DUS3L: variants seen among roughly 807,000 people sequenced by gnomAD.
DUS3L encodes dihydrouridine synthase 3 like.
DUS3L carries 62 observed loss-of-function variants against 74.6 expected under a neutral mutation model. The ratio of observed to expected loss-of-function variants is 0.83; its 90% CI spans 0.68 to 1.03. The LOEUF is 1.03. DUS3L is among the 50% of genes least tolerant of loss of function. DUS3L has a pLI of 0.00. For missense variants in DUS3L, 884 were observed against 924.4 expected, an observed-to-expected ratio of 0.96 and a Z score of 0.57; for synonymous variants, 433 against 395.7, an observed-to-expected ratio of 1.09 and a Z score of -1.12.
At chr19:5,787,744 G>C in intron 5 of DUS3L, 39 bp from the exon 6 acceptor site, 1 of 1,595,762 alleles carries the variant, frequency 6.3e-7, no homozygotes, top group South Asian at 1.1e-5. Context: ...GGTGAGGGGA[G>C]AGTCCGAACT....
Position 5,786,474 on chromosome 19 carries a change from T to C in DUS3L, c.1555A>G (p.Ile519Val). The C allele has an allele frequency of 5.0e-6, 8 of 1,612,780 alleles. No individual in the cohort carries two copies. The highest frequency in any genetic ancestry group is 6.8e-6 in the Non-Finnish European group (8 of 1,179,842). Residue 519 changes from isoleucine (I) to valine (V), a missense_variant, in exon 10 of 13, where the codon ATT (isoleucine) becomes GTT (valine). Transcript: ENST00000309061. ...AMQTGVTGIM[I>V]ARGALLKPWL... is the part of the protein sequence containing the mutation. ...ACATCCCTGGGCACTTACCGGGCAATCATGATCCCGGTGACACCAGTCTGC... is the reference window on the plus strand; with the variant it reads ...ACATCCCTGGGCACTTACCGGGCAACCATGATCCCGGTGACACCAGTCTGC...
chr19:5,788,200 C>A (rs1423696938), intron 4 of DUS3L, 24 bp from the exon 5 acceptor site: 1 of 1,612,904 alleles, frequency 6.2e-7, no homozygotes, highest in South Asian at 1.1e-5. Flanking sequence ...AGGACAGACA[C>A]ACATGCTCTT....
Position 5,787,650 on chromosome 19 carries a change from G to A in DUS3L, c.1151C>T (p.Thr384Ile). ...MTKCAELLSR[T>I]VEVDFVDINV... ...GATGTCCACAAAGTCCACCTCCACG[G>A]TGCGGCTCAGCAGCTCGGCACACTT... Residue 384 changes from threonine (T) to isoleucine (I), a missense_variant, in exon 6 of 13, where the codon ACC (threonine) becomes ATC (isoleucine). By Grantham distance (89) the Thr-to-Ile change is moderately conservative. Coordinates refer to ENST00000309061, the MANE Select transcript of DUS3L (RefSeq NM_020175.3). 2 of 1,613,858 alleles carry A rather than the reference G, an allele frequency of 1.2e-6. No homozygotes were observed. Among genetic ancestry groups the A allele is most frequent in the South Asian group, 1.1e-5 (1 of 91,086 alleles).
In DUS3L at chr19:5,786,421, TGCTGCTGTGCATGAA is replaced by T. The variant is rs779203923; in HGVS notation, c.1562+31_1562+45del. On this transcript the variant is annotated intron_variant, in intron 10 of 12. Transcript: ENST00000309061. ...TGACGGCGTGTTGGGTTCAGGGCAC[TGCTGCTGTGCATGAA>T]GCTGGATCTCTAACATCCCTGGGCA... 2.5e-6 allele frequency: 4 copies of T among 1,593,502 alleles called. No individual in the cohort carries two copies. In the African/African-American group the frequency reaches 5.4e-5, roughly 21 times the overall value.
chr19:5,788,234 C>G, intron 4 of DUS3L, 58 bp from the exon 5 acceptor site: 1 of 1,562,880 alleles, frequency 6.4e-7, no homozygotes, highest in Non-Finnish European at 8.8e-7. Flanking sequence ...CACACACACA[C>G]AGCAGAACCC....
At position 5,789,599 on chromosome 19, in the gene DUS3L, G is replaced by A. The variant is rs550931130; in HGVS notation, c.508C>T (p.Arg170Trp). The A allele has an allele frequency of 4.4e-6, 7 of 1,588,588 alleles. No individual in the cohort carries two copies. The South Asian group carries it at 4.6e-5, about 10-fold the overall frequency. The change falls in exon 3 of 13, where the codon CGG becomes TGG. Residue 170 changes from arginine to tryptophan, a missense_variant. Transcript: ENST00000309061. Reference protein sequence around the residue: ...PRCVLFETFGRCPYGVTCRFA... With the variant: ...PRCVLFETFGWCPYGVTCRFA... The stretch of plus-strand genomic sequence containing the variant: ...CGGCAGGTCACGCCGTAGGGGCACC[G>A]GCCGAAGGTCTCGAAGAGCACGCAG...
At chr19:5,786,224 C>T (rs1392005676) in intron 10 of DUS3L, among the ~76,000 whole-genome samples, 1 of 152,214 alleles carries the variant, frequency 6.6e-6, no homozygotes, top group Non-Finnish European at 1.5e-5. Flanking sequence ...GCTGGGATTA[C>T]AGGCGTGAGC....
At position 5,790,182 on chromosome 19, in the gene DUS3L, G is replaced by T. The variant is rs753783217; in HGVS notation, c.252C>A (p.Asp84Glu). The T allele has an allele frequency of 1.2e-6, 2 of 1,614,118 alleles. No homozygotes were observed. Among genetic ancestry groups the T allele is most frequent in the Non-Finnish European group, 1.7e-6 (2 of 1,180,030 alleles). The change falls in exon 2 of 13, where the codon GAC becomes GAA. Residue 84 changes from aspartate to glutamate, a missense_variant. Asp to Glu is a conservative substitution (Grantham distance 45, BLOSUM62 2). Coordinates refer to ENST00000309061, the MANE Select transcript of DUS3L (RefSeq NM_020175.3). ...GCTCTGCTGCCTCCTCCGTCTGCCC[G>T]TCCGCCGTCTGTCCATCCTCCAGTC... ...RIRLEDGQTA[D>E]GQTEEAAEPG... is the part of the protein sequence containing the mutation.
Position 5,785,378 on chromosome 19 carries a change from G to A in DUS3L, c.1880+5C>T. ...CAGCTCCCCAACTCCAGCCCACCCAGGCACCTGATGCGGATCCAGTCGGCT... is the reference window on the plus strand; with the variant it reads ...CAGCTCCCCAACTCCAGCCCACCCAAGCACCTGATGCGGATCCAGTCGGCT... On this transcript the variant is annotated splice_donor_5th_base_variant and intron_variant, in intron 12 of 12. Coordinates refer to ENST00000309061, the MANE Select transcript of DUS3L (RefSeq NM_020175.3). The A allele has an allele frequency of 6.2e-7, 1 of 1,600,618 alleles. No individual in the cohort carries two copies. Among genetic ancestry groups the A allele is most frequent in the South Asian group, 1.1e-5 (1 of 89,618 alleles).
rs1599623951 is a variant in DUS3L, at chr19:5,790,350, G to A, written c.99-15C>T. ...TGGTGAGGTATCTGCCGACAGAAAG[G>A]GAAAGGAAAACCCTCCGAACATAGT... is the stretch of plus-strand genomic sequence containing the variant. On this transcript the variant is annotated splice_polypyrimidine_tract_variant and intron_variant, in intron 1 of 12. Coordinates refer to ENST00000309061, the MANE Select transcript of DUS3L (RefSeq NM_020175.3). 2.5e-6 allele frequency: 4 copies of A among 1,613,636 alleles called. No homozygotes were observed. Among genetic ancestry groups the A allele is most frequent in the East Asian group, 4.5e-5 (2 of 44,878 alleles).
intron 4 of DUS3L, 52 bp from the exon 5 acceptor site, chr19:5,788,228 C>T (rs760089163): frequency 5.6e-5 from 91 of 1,610,948 alleles, no homozygotes; most frequent in Non-Finnish European, 7.3e-5. Flanking sequence ...CACACACACA[C>T]ACACACAGCA....
intron 1 of DUS3L, 112 bp from the exon 2 acceptor site, chr19:5,790,447 C>T: frequency 7.4e-7 from 1 of 1,357,474 alleles, no homozygotes; most frequent in Non-Finnish European, 1.0e-6. Flanking sequence ...GGGGAGCTCA[C>T]TACTTAAGAA....
Position 5,787,180 on chromosome 19 carries a change from CGGTGGTGGGA to C in DUS3L, c.1279-19_1279-10del, listed in dbSNP as rs746439308. The C allele has an allele frequency of 5.4e-5, 4 of 74,082 alleles. No individual in the cohort carries two copies. Among genetic ancestry groups the C allele is most frequent in the African/African-American group, 7.5e-4 (2 of 2,684 alleles). 4.6% of individuals were successfully genotyped at this position (74,082 alleles called of 1,614,324 possible). On this transcript the variant is annotated splice_polypyrimidine_tract_variant and intron_variant, in intron 7 of 12. Coordinates refer to ENST00000309061, the MANE Select transcript of DUS3L (RefSeq NM_020175.3). The stretch of plus-strand genomic sequence containing the variant: ...AGCGGCACATCCAGCACCTACAGGA[CGGTGGTGGGA>C]GGTGGTGGGAGATGGTGGGAGGTGG...
chr19:5,790,684 C>G (rs979129883), intron 1 of DUS3L: 14 of 540,064 alleles, frequency 2.6e-5, no homozygotes, highest in East Asian at 2.3e-4. Flanking sequence ...ACCGCAGGCC[C>G]CAGCACGCCC....
At chr19:5,786,303 A>C (rs1290889409) in intron 10 of DUS3L, among the ~76,000 whole-genome samples, 164 bp downstream of exon 10, 3 of 152,270 alleles carry the variant, frequency 2.0e-5, no homozygotes, top group East Asian at 1.9e-4. Flanking sequence ...AGCAATTTCC[A>C]GTCCCCTCTG....
Position 5,789,340 on chromosome 19 carries a change from C to T in DUS3L, c.767G>A (p.Arg256Lys), listed in dbSNP as rs776896103. ...CTGCTGGGCACCACAGTTTTCCTGC[C>T]TGGGAGCGCCCTCGGCTGCCGTGCC... ...PEGTAAEGAP[R>K]QENCGAQQVP... The change falls in exon 3 of 13, where the codon AGG becomes AAG. Residue 256 changes from arginine to lysine, a missense_variant. By Grantham distance (26) the Arg-to-Lys change is conservative (BLOSUM62 2). Transcript: ENST00000309061. 157 of 1,603,472 alleles carry T rather than the reference C, an allele frequency of 9.8e-5. No homozygotes were observed. Among genetic ancestry groups the T allele is most frequent in the Non-Finnish European group, 1.3e-4 (153 of 1,175,972 alleles).
Position 5,785,223 on chromosome 19 carries a change from T to C in DUS3L, c.1933A>G (p.Lys645Glu). ...TGAGGCTACTTGTACGCGTTGGCCT[T>C]GTGCTTCGGCAAGAAGGCGAAGCTG... The part of the protein sequence containing the change: ...PPSFAFLPKH[K>E]ANAYK The change falls in exon 13 of 13, where the codon AAG (lysine) becomes GAG (glutamate). Residue 645 changes from lysine to glutamate, a missense_variant. By Grantham distance (56) the Lys-to-Glu change is moderately conservative (BLOSUM62 1). Coordinates refer to ENST00000309061, the MANE Select transcript of DUS3L (RefSeq NM_020175.3). The C allele has an allele frequency of 2.5e-6, 4 of 1,609,756 alleles. No individual in the cohort carries two copies. Among genetic ancestry groups the C allele is most frequent in the South Asian group, 2.2e-5 (2 of 90,426 alleles).
In DUS3L at chr19:5,789,410, G is replaced by C. The variant is rs767870547; in HGVS notation, c.697C>G (p.Arg233Gly). ...GGTGTGGGGCCCTGGCTGAACCGGC[G>C]CAGGGCCTGCTCAGCTCGCTCGAAG... Reference protein sequence around the residue: ...VRFERAEQALRRFSQGPTPAA... With the variant: ...VRFERAEQALGRFSQGPTPAA... The change falls in exon 3 of 13, where the codon CGC becomes GGC. Residue 233 changes from arginine to glycine, a missense_variant. By Grantham distance (125) the Arg-to-Gly change is moderately radical. Coordinates refer to ENST00000309061, the MANE Select transcript of DUS3L (RefSeq NM_020175.3). 25 of 1,594,832 alleles carry C rather than the reference G, an allele frequency of 1.6e-5. No homozygotes were observed. The highest frequency in any genetic ancestry group is 2.0e-5 in the Non-Finnish European group (24 of 1,174,480).
intron 1 of DUS3L, chr19:5,790,814 C>A (rs753271414): frequency 1.7e-6 from 1 of 597,430 alleles, no homozygotes; most frequent in Non-Finnish European, 3.0e-6. Flanking sequence ...GGCCTCAAAT[C>A]CCACCTGCCC....
Sources: allele counts gnomAD v4.1 joint callset (sites outside exome capture counted in the v4.1 genomes callset), GRCh38; gene constraint gnomAD v4.1.1; transcripts MANE v1.5; gene names NCBI Gene and HGNC (gene_info 2026-07-23, HGNC 2026-07-21).